NCKAP5: variants seen among roughly 807,000 people sequenced by gnomAD.
NCKAP5 encodes nck-associated protein 5.
In NCKAP5, 92 loss-of-function variants were observed where a neutral mutation model predicts 167.0. The ratio of observed to expected loss-of-function variants is 0.55; its 90% CI spans 0.47 to 0.66. The LOEUF (loss-of-function observed/expected upper bound fraction) is 0.66. Among genes scored for constraint, NCKAP5 ranks in the 30% least tolerant of loss-of-function variants. NCKAP5 has a pLI of 0.00. For synonymous variants in NCKAP5, 891 were observed against 877.4 expected (o/e 1.02, Z -0.27); for missense variants, 2,378 against 2,315.0 (o/e 1.03, Z -0.56).
At chr2:133,184,320 G>C (rs910972227) in intron 5 of NCKAP5, among the ~76,000 whole-genome samples, 1 of 152,170 alleles carries the variant, frequency 6.6e-6, no homozygotes, top group Non-Finnish European at 1.5e-5. Flanking sequence ...TGGTTGTGTA[G>C]TATTCTACGG....
intron 2 of NCKAP5, among the ~76,000 whole-genome samples, chr2:133,554,976 G>A (rs1402683511): frequency 6.6e-6 from 1 of 152,098 alleles, no homozygotes; most frequent in Non-Finnish European, 1.5e-5. Flanking sequence ...TGCAACCTTG[G>A]AAGTGTTCTT....
chr2:133,278,238 C>T (rs1347170371), intron 4 of NCKAP5, among the ~76,000 whole-genome samples: 1 of 152,170 alleles, frequency 6.6e-6, no homozygotes, highest in Non-Finnish European at 1.5e-5. Flanking sequence ...AGTTATCATC[C>T]TACAGTTCTG....
chr2:133,064,826 AAC>A (rs1353794595), intron 6 of NCKAP5, among the ~76,000 whole-genome samples: 1 of 152,212 alleles, frequency 6.6e-6, no homozygotes, highest in Admixed American at 6.5e-5. Context: ...GCCCCTTAGT[AAC>A]CACATTCATA....
intron 19 of NCKAP5, among the ~76,000 whole-genome samples, chr2:132,687,508 T>C (rs1686103917): frequency 6.6e-6 from 1 of 152,160 alleles, no homozygotes; most frequent in Middle Eastern, 3.2e-3. Context: ...TGTATATCTA[T>C]AGTTCTCTAA....
chr2:132,841,857 T>C (rs572477924), intron 11 of NCKAP5, among the ~76,000 whole-genome samples: 4 of 152,248 alleles, frequency 2.6e-5, no homozygotes, highest in South Asian at 4.1e-4. Context: ...ACTTCAGAAA[T>C]TGCCTCATTT....
intron 16 of NCKAP5, among the ~76,000 whole-genome samples, chr2:132,748,253 T>C (rs1256429758): frequency 1.3e-5 from 2 of 152,214 alleles, no homozygotes; most frequent in East Asian, 3.8e-4. Flanking sequence ...TCCAACCACC[T>C]GTCCCTTGAA....
intron 6 of NCKAP5, among the ~76,000 whole-genome samples, chr2:133,058,615 AAC>A (rs2079882134): frequency 6.6e-6 from 1 of 152,218 alleles, no homozygotes; most frequent in Non-Finnish European, 1.5e-5. Flanking sequence ...ATAAAACATA[AAC>A]AGATAAGTTA....
chr2:132,720,858 A>C (rs1689847613), intron 19 of NCKAP5, among the ~76,000 whole-genome samples: 1 of 152,090 alleles, frequency 6.6e-6, no homozygotes, highest in Admixed American at 6.6e-5. Flanking sequence ...AAAAAATACA[A>C]AAATTAGCTG....
chr2:132,912,479 T>C lies in NCKAP5; in HGVS notation c.580-33563A>G, dbSNP rs60127947. ...AGCCCGTCCATGACATCATAGTTGC[T>C]CATTCAATGAACATTCTGATATCTT... On this transcript the variant is annotated intron_variant, in intron 8 of 19. Coordinates refer to ENST00000409261, the MANE Select transcript of NCKAP5 (RefSeq NM_207363.3). 3.3e-5 allele frequency among the ~76,000 whole-genome samples: 5 copies of C among 152,318 alleles called. No individual in the cohort carries two copies. In the East Asian group the frequency reaches 9.6e-4, roughly 29 times the overall value.
chr2:133,389,204 G>A (rs1340062358), intron 3 of NCKAP5, among the ~76,000 whole-genome samples: 1 of 152,162 alleles, frequency 6.6e-6, no homozygotes, highest in Non-Finnish European at 1.5e-5. Flanking sequence ...GGATTTCTGA[G>A]GGAAAGTTGC....
chr2:133,484,699 C>T (rs1325984596), intron 3 of NCKAP5, among the ~76,000 whole-genome samples: 1 of 152,052 alleles, frequency 6.6e-6, no homozygotes, highest in East Asian at 1.9e-4. Context: ...ATTTAAAATA[C>T]TATATAAAAT....
At chr2:133,251,125 TAC>T (rs1044281659) in intron 4 of NCKAP5, among the ~76,000 whole-genome samples, 2 of 149,652 alleles carry the variant, frequency 1.3e-5, no homozygotes, top group Non-Finnish European at 3.0e-5. Context: ...AAAGAAAAAA[TAC>T]AGTGTAACAA....
At chr2:133,490,427 C>A (rs923436736) in intron 3 of NCKAP5, among the ~76,000 whole-genome samples, 10 of 152,180 alleles carry the variant, frequency 6.6e-5, no homozygotes, top group African/African-American at 2.4e-4. Flanking sequence ...ACTGACGGAG[C>A]AGTTAAGACC....
chr2:133,320,497 G>A (rs1681956876), intron 3 of NCKAP5, among the ~76,000 whole-genome samples: 2 of 152,176 alleles, frequency 1.3e-5, no homozygotes. Context: ...GGGAGGCCAA[G>A]GTGGGCAGAT....
chr2:133,261,933 C>T (rs1295044059), intron 4 of NCKAP5, among the ~76,000 whole-genome samples: 1 of 152,158 alleles, frequency 6.6e-6, no homozygotes, highest in East Asian at 1.9e-4. Context: ...GTTATAACTT[C>T]CCTATTAATG....
At chr2:133,483,825 T>C (rs994184944) in intron 3 of NCKAP5, among the ~76,000 whole-genome samples, 1 of 152,166 alleles carries the variant, frequency 6.6e-6, no homozygotes, top group African/African-American at 2.4e-5. Context: ...TCCCCCCATA[T>C]CTATTGAAGC....
intron 19 of NCKAP5, among the ~76,000 whole-genome samples, chr2:132,718,509 A>G (rs948910379): frequency 6.6e-6 from 1 of 152,234 alleles, no homozygotes; most frequent in Non-Finnish European, 1.5e-5. Context: ...AAAACAAAAC[A>G]AAAGGATTCT....
intron 5 of NCKAP5, among the ~76,000 whole-genome samples, chr2:133,177,174 A>C (rs1169750610): frequency 2.2e-5 from 3 of 133,488 alleles, no homozygotes; most frequent in African/African-American, 9.0e-5. Context: ...CTATATATAT[A>C]TATATATATA....
chr2:132,763,155 T>C (rs571337982), intron 16 of NCKAP5, among the ~76,000 whole-genome samples: 1 of 152,304 alleles, frequency 6.6e-6, no homozygotes, highest in African/African-American at 2.4e-5. Flanking sequence ...ATGAGCATCA[T>C]AGTGATCAAA....
Sources: gnomAD v4.1 joint callset for allele counts (sites outside exome capture counted in the v4.1 genomes callset) on GRCh38, gnomAD v4.1.1 for gene constraint, MANE v1.5 for transcripts, NCBI Gene and HGNC (gene_info 2026-07-23, HGNC 2026-07-21) for gene names.